Variants in DGAT2 observed in about 807,000 individuals in gnomAD.
DGAT2 encodes acyl-CoA retinol O-fatty-acyltransferase.
Under a neutral mutation model 48.4 loss-of-function variants are expected in DGAT2, and 33 were observed. The observed-to-expected ratio is 0.68, with a 90% CI of 0.52 to 0.91. The LOEUF is 0.91. Ranked by LOEUF, DGAT2 falls within the 40% of genes least tolerant of loss-of-function variation. The pLI is 0.00. For synonymous variants in DGAT2, 191 were observed against 194.1 expected (o/e 0.98, Z 0.13); for missense variants, 446 against 493.7 (o/e 0.90, Z 0.92).
At chr11:75,794,945 C>G (rs1945033245) in intron 4 of DGAT2, 1 of 98,064 alleles carries the variant, frequency 1.0e-5, no homozygotes, top group Non-Finnish European at 2.0e-5. Context: ...CCCTCCCCCT[C>G]CTCCGTTCCT....
intron 7 of DGAT2, among the ~76,000 whole-genome samples, chr11:75,799,554 G>A (rs1041644115): frequency 4.6e-5 from 7 of 151,896 alleles, no homozygotes; most frequent in African/African-American, 7.3e-5. Context: ...ATAAAGCAAC[G>A]CACAGATCAT....
At chr11:75,774,682 G>T (rs540483008) in intron 1 of DGAT2, among the ~76,000 whole-genome samples, 1 of 152,248 alleles carries the variant, frequency 6.6e-6, no homozygotes, top group South Asian at 2.1e-4. Flanking sequence ...CTTGTCCTCA[G>T]CTTCTCCTTG....
intron 4 of DGAT2, chr11:75,792,326 C>G (rs1944998726): frequency 6.6e-6 from 1 of 152,160 alleles, no homozygotes; most frequent in Non-Finnish European, 1.5e-5. Flanking sequence ...CAAACTGGGC[C>G]CGAGGCAGGC....
chr11:75,769,359 C>T (rs1944733601), intron 1 of DGAT2, among the ~76,000 whole-genome samples: 1 of 152,214 alleles, frequency 6.6e-6, no homozygotes, highest in South Asian at 2.1e-4. Context: ...CCAGCCCCCA[C>T]TGCGGCTGGT....
chr11:75,778,528 A>C (rs1944825585), intron 1 of DGAT2, among the ~76,000 whole-genome samples: 1 of 152,128 alleles, frequency 6.6e-6, no homozygotes, highest in African/African-American at 2.4e-5. Context: ...CATGTGCCTT[A>C]AACGTTTTAA....
chr11:75,769,336 C>T (rs1944733216), intron 1 of DGAT2, among the ~76,000 whole-genome samples: 1 of 152,150 alleles, frequency 6.6e-6, no homozygotes. Context: ...TAGGGATATT[C>T]GAGAACTCCT....
At chr11:75,781,403 C>T (rs894892617) in intron 1 of DGAT2, among the ~76,000 whole-genome samples, 7 of 152,212 alleles carry the variant, frequency 4.6e-5, no homozygotes, top group African/African-American at 9.6e-5. Context: ...CCCACTGGCC[C>T]GGGGTTCAGC....
At chr11:75,770,623 G>C (rs1374328549) in intron 1 of DGAT2, among the ~76,000 whole-genome samples, 1 of 152,204 alleles carries the variant, frequency 6.6e-6, no homozygotes, top group African/African-American at 2.4e-5. Context: ...CATTCCGTCG[G>C]CTCTGCCATC....
At chr11:75,798,773 G>T (rs565894302) in intron 7 of DGAT2, among the ~76,000 whole-genome samples, 2 of 152,302 alleles carry the variant, frequency 1.3e-5, no homozygotes, top group East Asian at 1.9e-4. Flanking sequence ...AGTCATAGCG[G>T]ACCCCAGGGA....
In DGAT2 at chr11:75,796,342, C is replaced by T; in HGVS notation, c.444C>T (p.His148=). 1 of 1,613,996 alleles carries T rather than the reference C, an allele frequency of 6.2e-7. No individual in the cohort carries two copies. Among genetic ancestry groups the T allele is most frequent in the Non-Finnish European group, 8.5e-7 (1 of 1,179,894 alleles). The change falls in exon 5 of 8, where the codon CAC becomes CAT. Residue 148 remains histidine (H), a synonymous_variant. Transcript: ENST00000228027. The part of the protein sequence containing the change: ...DYFPIQLVKT[H]NLLTTRNYIF... ...CATCCTTGCAGCTGGTGAAGACACA[C>T]AACCTGCTGACCACCAGGAACTATA...
At chr11:75,791,474 T>G (rs572081426) in intron 4 of DGAT2, among the ~76,000 whole-genome samples, 3 of 152,320 alleles carry the variant, frequency 2.0e-5, no homozygotes, top group East Asian at 1.9e-4. Flanking sequence ...GCTGTTTTTG[T>G]TGGGAGAAAG....
In DGAT2 at chr11:75,797,220, G is replaced by A. The variant is rs1945066478; in HGVS notation, c.697G>A (p.Ala233Thr). ...GCTTTCAAAGAATGGGAGTGGCAAT[G>A]CTATCATCATCGTGGTCGGGGGTGC... ...YLLSKNGSGNAIIIVVGGAAE... is the reference protein window; with the variant it reads ...YLLSKNGSGNTIIIVVGGAAE... The change falls in exon 6 of 8, where the codon GCT (alanine) becomes ACT (threonine). Residue 233 changes from alanine (A) to threonine (T), a missense_variant. By Grantham distance (58) the Ala-to-Thr change is moderately conservative. Coordinates refer to ENST00000228027, the MANE Select transcript of DGAT2 (RefSeq NM_032564.5). The A allele has an allele frequency of 3.2e-6, 5 of 1,579,694 alleles. No individual in the cohort carries two copies. The highest frequency in any genetic ancestry group is 4.3e-6 in the Non-Finnish European group (5 of 1,162,346).
At chr11:75,789,554 G>C (rs1944961497) in intron 2 of DGAT2, among the ~76,000 whole-genome samples, 2 of 152,222 alleles carry the variant, frequency 1.3e-5, no homozygotes, top group African/African-American at 4.8e-5. Context: ...TCCTGGGCAA[G>C]TGTCCCCTCT....
intron 1 of DGAT2, among the ~76,000 whole-genome samples, chr11:75,773,037 A>C (rs1168131497): frequency 5.9e-5 from 9 of 152,226 alleles, no homozygotes; most frequent in Non-Finnish European, 1.3e-4. Context: ...AGTCCCTTGG[A>C]AACAGGAACC....
At chr11:75,798,536 C>T in intron 7 of DGAT2, 107 bp downstream of exon 7, 1 of 1,277,220 alleles carries the variant, frequency 7.8e-7, no homozygotes, top group Non-Finnish European at 1.1e-6. Flanking sequence ...CTCTGATGGC[C>T]ATGCCCTTAG....
At chr11:75,787,904 T>C (rs1944938838) in intron 2 of DGAT2, among the ~76,000 whole-genome samples, 1 of 152,108 alleles carries the variant, frequency 6.6e-6, no homozygotes, top group Non-Finnish European at 1.5e-5. Flanking sequence ...AGCCCCCAGC[T>C]GAGAAAGGCC....
chr11:75,788,568 C>T (rs1187720659), intron 2 of DGAT2, among the ~76,000 whole-genome samples: 2 of 152,164 alleles, frequency 1.3e-5, no homozygotes, highest in Non-Finnish European at 2.9e-5. Context: ...CAACAAGGGG[C>T]TACCATTTCC....
intron 3 of DGAT2, among the ~76,000 whole-genome samples, 169 bp downstream of exon 3, chr11:75,790,464 C>T (rs1221326726): frequency 6.6e-6 from 1 of 152,272 alleles, no homozygotes; most frequent in South Asian, 2.1e-4. Context: ...GGGCACTGTT[C>T]TGGTCCTGAC....
intron 1 of DGAT2, among the ~76,000 whole-genome samples, chr11:75,777,390 G>A (rs886260937): frequency 9.9e-5 from 15 of 152,126 alleles, no homozygotes; most frequent in African/African-American, 3.4e-4. Context: ...TGTCGCCTAC[G>A]CCTCTGTTCC....
Sources: allele counts gnomAD v4.1 joint callset (sites outside exome capture counted in the v4.1 genomes callset), GRCh38; gene constraint gnomAD v4.1.1; transcripts MANE v1.5; gene names NCBI Gene and HGNC (gene_info 2026-07-23, HGNC 2026-07-21).